Variants in PXDNL observed in about 807,000 individuals in gnomAD.
PXDNL encodes peroxidasin like, also known as probable oxidoreductase PXDNL.
In PXDNL, 145 loss-of-function variants were observed where a neutral mutation model predicts 150.8. The ratio of observed to expected loss-of-function variants is 0.96; its 90% CI spans 0.84 to 1.10. The LOEUF (loss-of-function observed/expected upper bound fraction) is 1.10, where lower values mean the gene tolerates loss of function less well. Among genes scored for constraint, PXDNL ranks in the 50% least tolerant of loss-of-function variants. PXDNL has a pLI of 0.00. For synonymous variants in PXDNL, 757 were observed against 725.7 expected, an observed-to-expected ratio of 1.04 and a Z score of -0.69; for missense variants, 2,087 against 1,873.9, an observed-to-expected ratio of 1.11 and a Z score of -2.10.
chr8:51,678,885 T>C (rs1297179096), intron 1 of PXDNL, among the ~76,000 whole-genome samples: 1 of 152,186 alleles, frequency 6.6e-6, no homozygotes, highest in East Asian at 1.9e-4. Flanking sequence ...AATTACTACT[T>C]ATTTTAACTG....
At chr8:51,771,980 G>T (rs568206608) in intron 1 of PXDNL, among the ~76,000 whole-genome samples, 2 of 152,024 alleles carry the variant, frequency 1.3e-5, no homozygotes, top group African/African-American at 4.8e-5. Flanking sequence ...CCAGAAAAGA[G>T]AGAGTGGGTC....
intron 12 of PXDNL, among the ~76,000 whole-genome samples, chr8:51,442,463 C>T (rs1332247557): frequency 6.6e-6 from 1 of 151,668 alleles, no homozygotes; most frequent in African/African-American, 2.4e-5. Flanking sequence ...AATATTATCT[C>T]ATTTATTGAT....
intron 1 of PXDNL, among the ~76,000 whole-genome samples, chr8:51,702,650 T>C (rs1288528566): frequency 6.6e-6 from 1 of 152,124 alleles, no homozygotes; most frequent in African/African-American, 2.4e-5. Flanking sequence ...TCCCCATCTA[T>C]CACATGGATG....
At position 51,791,913 on chromosome 8, in the gene PXDNL, C is replaced by G. The variant is rs113443681; in HGVS notation, c.164+17268G>C. On this transcript the variant is annotated intron_variant, in intron 1 of 22. Coordinates refer to ENST00000356297, the MANE Select transcript of PXDNL (RefSeq NM_144651.5). ...TAAGATTTAGCAATACATTGTAAAT[C>G]TGATGATGTCCCACTTAGAAAAAAT... Among the ~76,000 whole-genome samples the G allele has an allele frequency of 1.8e-3, 272 of 152,194 alleles. 1 individual carries two copies. Among genetic ancestry groups the G allele is most frequent in the African/African-American group, 6.1e-3 (252 of 41,530 alleles).
Position 51,746,880 on chromosome 8 carries a change from C to A in PXDNL, c.164+62301G>T, listed in dbSNP as rs139045022. The stretch of plus-strand genomic sequence containing the variant: ...GGGACTACAGGTGCACGCCACCACA[C>A]CCAGTTAACTTTTGTATTTTTTTGT... On this transcript the variant is annotated intron_variant, in intron 1 of 22. Transcript: ENST00000356297. Among the ~76,000 whole-genome samples the A allele has an allele frequency of 9.0e-3, 1,363 of 152,194 alleles. 15 individuals carry two copies. The highest frequency in any genetic ancestry group is 0.031 in the African/African-American group (1,296 of 41,518).
At chr8:51,442,804 G>T (rs575273969) in intron 12 of PXDNL, among the ~76,000 whole-genome samples, 17 of 151,968 alleles carry the variant, frequency 1.1e-4, no homozygotes, top group African/African-American at 3.9e-4. Flanking sequence ...GTGTGGATAC[G>T]CAAGGGCTTT....
intron 4 of PXDNL, among the ~76,000 whole-genome samples, chr8:51,541,460 T>C (rs114198278): frequency 0.018 from 2,672 of 151,712 alleles, 83 homozygotes; most frequent in African/African-American, 0.061. Flanking sequence ...CCACACTAGC[T>C]GGTAGTAACA....
chr8:51,592,600 G>A (rs1813468257), intron 3 of PXDNL, 27 bp downstream of exon 3: 4 of 1,388,610 alleles, frequency 2.9e-6, no homozygotes, highest in Non-Finnish European at 4.0e-6. Context: ...ACACCATAAG[G>A]CATTGTTGTT....
intron 1 of PXDNL, among the ~76,000 whole-genome samples, chr8:51,751,838 C>G (rs1346397918): frequency 6.6e-6 from 1 of 152,122 alleles, no homozygotes; most frequent in African/African-American, 2.4e-5. Context: ...TTCTAATTTC[C>G]CCTCTTTATC....
intron 11 of PXDNL, among the ~76,000 whole-genome samples, chr8:51,448,500 T>A (rs1363847919): frequency 2.6e-5 from 4 of 152,106 alleles, no homozygotes; most frequent in Admixed American, 1.3e-4. Flanking sequence ...ATCAGCAGAT[T>A]GAGACCATCC....
chr8:51,442,585 T>C (rs911775368), intron 12 of PXDNL, among the ~76,000 whole-genome samples: 1 of 152,068 alleles, frequency 6.6e-6, no homozygotes, highest in Non-Finnish European at 1.5e-5. Context: ...GTTGAATGTT[T>C]AACAAATGCC....
intron 1 of PXDNL, among the ~76,000 whole-genome samples, chr8:51,742,136 C>A (rs540466218): frequency 6.6e-6 from 1 of 152,266 alleles, no homozygotes; most frequent in South Asian, 2.1e-4. Context: ...GTGAAAAGCC[C>A]ATCTAAAATG....
intron 1 of PXDNL, among the ~76,000 whole-genome samples, chr8:51,754,360 G>C (rs2037077145): frequency 6.6e-6 from 1 of 152,142 alleles, no homozygotes; most frequent in Non-Finnish European, 1.5e-5. Flanking sequence ...GTGGTTCTGA[G>C]AGCACACAAA....
intron 19 of PXDNL, among the ~76,000 whole-genome samples, chr8:51,348,809 A>G (rs1806245313): frequency 6.6e-6 from 1 of 152,154 alleles, no homozygotes; most frequent in African/African-American, 2.4e-5. Flanking sequence ...ATTATCTTGT[A>G]CAAAGTCCTA....
chr8:51,386,560 T>C (rs528925964), intron 17 of PXDNL, among the ~76,000 whole-genome samples: 62 of 151,940 alleles, frequency 4.1e-4, no homozygotes, highest in African/African-American at 1.4e-3. Flanking sequence ...ATGATATAGA[T>C]AGATAAGAGA....
At chr8:51,774,804 G>C (rs1427947612) in intron 1 of PXDNL, among the ~76,000 whole-genome samples, 1 of 151,554 alleles carries the variant, frequency 6.6e-6, no homozygotes, top group Non-Finnish European at 1.5e-5. Context: ...GGAGACAAAG[G>C]GAGACTCCAT....
chr8:51,694,932 T>G (rs547941604), intron 1 of PXDNL, among the ~76,000 whole-genome samples: 2 of 152,234 alleles, frequency 1.3e-5, no homozygotes, highest in African/African-American at 4.8e-5. Flanking sequence ...ACTTCTATTG[T>G]CTTTTTCTGG....
intron 1 of PXDNL, among the ~76,000 whole-genome samples, chr8:51,670,235 T>TCACACA (rs34322879): frequency 4.0e-5 from 6 of 150,632 alleles, no homozygotes; most frequent in African/African-American, 1.2e-4. Flanking sequence ...AAATTCCGTC[T>TCACACA]CACACACACA....
At chr8:51,786,355 C>T (rs888671616) in intron 1 of PXDNL, among the ~76,000 whole-genome samples, 3 of 152,196 alleles carry the variant, frequency 2.0e-5, no homozygotes, top group Middle Eastern at 3.4e-3. Context: ...ACTACAGGCG[C>T]CCGCCACCAC....
Sources: gnomAD v4.1 joint callset for allele counts (sites outside exome capture counted in the v4.1 genomes callset) on GRCh38, gnomAD v4.1.1 for gene constraint, MANE v1.5 for transcripts, NCBI Gene and HGNC (gene_info 2026-07-23, HGNC 2026-07-21) for gene names.